The following LAMA2 variants were observed in gnomAD, a reference collection of about 807,000 sequenced individuals.
LAMA2 encodes the protein laminin subunit alpha 2.
In LAMA2, 269 loss-of-function variants were observed where a neutral mutation model predicts 364.8. That is an observed-to-expected ratio of 0.74 (90% CI 0.67 to 0.82). LAMA2 has a LOEUF of 0.82. Among genes scored for constraint, LAMA2 ranks in the 40% least tolerant of loss-of-function variants. LAMA2 has a pLI of 0.00. For synonymous variants in LAMA2, 1,379 were observed against 1,370.6 expected (o/e 1.01, Z -0.14); for missense variants, 3,807 against 3,873.2 (o/e 0.98, Z 0.45).
Position 129,456,326 on chromosome 6 carries a change from C to A in LAMA2, c.6708-9C>A, listed in dbSNP as rs769088033. ...TTCCTCCCCTTCACTTCAACACGTA[C>A]CCTTGAAGAACTGGGAGAAATGGAA... On this transcript the variant is annotated splice_polypyrimidine_tract_variant and intron_variant, in intron 47 of 64. Coordinates refer to ENST00000421865, the MANE Select transcript of LAMA2 (RefSeq NM_000426.4). 6.2e-7 allele frequency: 1 copy of A among 1,612,592 alleles called. No homozygotes were observed. Among genetic ancestry groups the A allele is most frequent in the Non-Finnish European group, 8.5e-7 (1 of 1,178,810 alleles).
At chr6:129,508,431 T>TTTA (rs1554317570) in intron 62 of LAMA2, among the ~76,000 whole-genome samples, 16 of 150,724 alleles carry the variant, frequency 1.1e-4, no homozygotes, top group African/African-American at 2.4e-4. Context: ...TTTTTTTTTT[T>TTTA]ACTGTAGTTA....
At chr6:129,476,003 T>C (rs1391369450) in intron 53 of LAMA2, among the ~76,000 whole-genome samples, 1 of 152,220 alleles carries the variant, frequency 6.6e-6, no homozygotes, top group Non-Finnish European at 1.5e-5. Context: ...TTAAAATAAG[T>C]ATTTGCGTTA....
At chr6:129,225,948 A>G (rs1375402360) in intron 12 of LAMA2, among the ~76,000 whole-genome samples, 1 of 152,102 alleles carries the variant, frequency 6.6e-6, no homozygotes, top group Admixed American at 6.5e-5. Context: ...AAAGTCTCCC[A>G]TTATTATTGT....
chr6:129,399,536 A>G (rs995834902), intron 37 of LAMA2, among the ~76,000 whole-genome samples: 4 of 152,204 alleles, frequency 2.6e-5, no homozygotes, highest in Non-Finnish European at 5.9e-5. Context: ...GAGTGAGCAG[A>G]GCTGTGATCC....
intron 1 of LAMA2, among the ~76,000 whole-genome samples, chr6:129,033,773 A>T (rs1274725430): frequency 6.6e-6 from 1 of 152,142 alleles, no homozygotes; most frequent in African/African-American, 2.4e-5. Context: ...TTCCGCTGAT[A>T]TTGATGAAGT....
chr6:129,072,621 C>T (rs1773392013), intron 3 of LAMA2, among the ~76,000 whole-genome samples: 2 of 152,050 alleles, frequency 1.3e-5, no homozygotes, highest in South Asian at 4.2e-4. Context: ...TTATCTTTTG[C>T]TAATTTTTCT....
intron 54 of LAMA2, among the ~76,000 whole-genome samples, 180 bp from the exon 55 acceptor site, chr6:129,481,082 AT>A (rs752168985): frequency 6.6e-6 from 1 of 152,214 alleles, no homozygotes; most frequent in Non-Finnish European, 1.5e-5. Context: ...ATTTGAAGTT[AT>A]CATATAACTA....
chr6:128,994,308 G>A (rs1783791154), intron 1 of LAMA2, among the ~76,000 whole-genome samples: 1 of 152,174 alleles, frequency 6.6e-6, no homozygotes, highest in Non-Finnish European at 1.5e-5. Context: ...GATGTTTTCA[G>A]TATATCACAC....
At chr6:128,895,468 TAAA>T (rs34458994) in intron 1 of LAMA2, among the ~76,000 whole-genome samples, 2 of 65,832 alleles carry the variant, frequency 3.0e-5, no homozygotes, top group Non-Finnish European at 6.1e-5. Context: ...CTGTCTCTAC[TAAA>T]AAAAAAAAAA....
At chr6:129,178,592 G>T (rs1483241193) in intron 10 of LAMA2, among the ~76,000 whole-genome samples, 2 of 152,154 alleles carry the variant, frequency 1.3e-5, no homozygotes, top group Non-Finnish European at 2.9e-5. Flanking sequence ...TACATTAGCT[G>T]AGAGAATGAA....
intron 29 of LAMA2, among the ~76,000 whole-genome samples, chr6:129,333,925 C>T (rs1486925957): frequency 6.6e-6 from 1 of 152,098 alleles, no homozygotes; most frequent in Non-Finnish European, 1.5e-5. Context: ...ATTCTAAAAG[C>T]ATGTCTATTT....
chr6:129,327,509 G>A (rs1375946439), intron 28 of LAMA2, among the ~76,000 whole-genome samples: 1 of 152,176 alleles, frequency 6.6e-6, no homozygotes, highest in African/African-American at 2.4e-5. Context: ...ATCAAGCAAT[G>A]TCTGCAGCTA....
chr6:129,367,531 T>C (rs559471865), intron 33 of LAMA2, among the ~76,000 whole-genome samples: 1 of 152,336 alleles, frequency 6.6e-6, no homozygotes, highest in South Asian at 2.1e-4. Flanking sequence ...GAGTATAATT[T>C]CTGTTGGAAT....
At chr6:129,136,999 G>C (rs1466490408) in intron 4 of LAMA2, among the ~76,000 whole-genome samples, 2 of 152,100 alleles carry the variant, frequency 1.3e-5, no homozygotes, top group African/African-American at 4.8e-5. Flanking sequence ...GGTATCGAAA[G>C]CATAATACCT....
chr6:129,318,434 G>A (rs907216907), intron 27 of LAMA2, among the ~76,000 whole-genome samples: 1 of 152,064 alleles, frequency 6.6e-6, no homozygotes, highest in Admixed American at 6.5e-5. Flanking sequence ...ATGGTGTATT[G>A]CAGAAATATT....
At chr6:129,432,407 A>G (rs1226364053) in intron 41 of LAMA2, among the ~76,000 whole-genome samples, 1 of 152,212 alleles carries the variant, frequency 6.6e-6, no homozygotes, top group East Asian at 1.9e-4. Context: ...CCACCATGTG[A>G]GTAGAGGACA....
At chr6:129,360,795 A>T (rs1239900511) in intron 32 of LAMA2, among the ~76,000 whole-genome samples, 2 of 152,216 alleles carry the variant, frequency 1.3e-5, no homozygotes, top group Non-Finnish European at 2.9e-5. Context: ...AATGAGAGAA[A>T]AATCAGTATT....
intron 1 of LAMA2, among the ~76,000 whole-genome samples, chr6:129,010,694 C>G (rs542969885): frequency 6.6e-6 from 1 of 152,238 alleles, no homozygotes; most frequent in South Asian, 2.1e-4. Flanking sequence ...TAGTTCATTA[C>G]TTTATTATTT....
chr6:129,062,541 A>G (rs1387283011), intron 3 of LAMA2, among the ~76,000 whole-genome samples: 1 of 152,136 alleles, frequency 6.6e-6, no homozygotes, highest in Non-Finnish European at 1.5e-5. Flanking sequence ...TTTCGTTATA[A>G]AGCAGGGGAC....
Sources: allele counts gnomAD v4.1 joint callset (sites outside exome capture counted in the v4.1 genomes callset), GRCh38; gene constraint gnomAD v4.1.1; transcripts MANE v1.5; gene names NCBI Gene and HGNC (gene_info 2026-07-23, HGNC 2026-07-21).